Variants in PODXL2 observed in about 807,000 individuals in gnomAD.
PODXL2 encodes the protein podocalyxin like 2, also known as podocalyxin-like protein 2.
A neutral mutation model predicts 53.4 loss-of-function variants in PODXL2; 17 were observed. The observed-to-expected ratio is 0.32, with a 90% CI of 0.22 to 0.48. The LOEUF is 0.48. Among genes scored for constraint, PODXL2 ranks in the 20% least tolerant of loss-of-function variants. The probability of loss-of-function intolerance (pLI) is 0.99; values close to 1 mark genes in which losing one functional copy is unlikely to be tolerated. For missense variants in PODXL2, 673 were observed against 760.0 expected (o/e 0.89, Z 1.35); for synonymous variants, 311 against 306.7 (o/e 1.01, Z -0.15).
chr3:127,672,275 G>C lies in PODXL2; in HGVS notation c.1613G>C (p.Gly538Ala), dbSNP rs2074852943. 6.5e-7 allele frequency: 1 copy of C among 1,544,112 alleles called. No homozygotes were observed. Residue 538 changes from glycine (G) to alanine (A), a missense_variant, in exon 8 of 8, where the codon GGC becomes GCC. By Grantham distance (60) the Gly-to-Ala change is moderately conservative. Transcript: ENST00000342480. ...RLPKLKHVSH[G>A]EELRFVENGC... ...CTCCCCACCCCGCCTCAGTCGCACG[G>C]CGAGGAGCTGCGCTTCGTGGAGAAC... is the stretch of plus-strand genomic sequence containing the variant.
chr3:127,635,537 A>G (rs189049256), intron 1 of PODXL2, among the ~76,000 whole-genome samples: 1 of 152,336 alleles, frequency 6.6e-6, no homozygotes, highest in East Asian at 1.9e-4. Context: ...ATTTGTCTTA[A>G]TGTATCATTT....
chr3:127,669,054 C>T, intron 5 of PODXL2, 87 bp from the exon 6 acceptor site: 1 of 808,852 alleles, frequency 1.2e-6, no homozygotes, highest in Non-Finnish European at 2.0e-6. Context: ...AGGCTCAGGC[C>T]AGCTGTTGGA....
At chr3:127,635,482 A>G (rs896535819) in intron 1 of PODXL2, among the ~76,000 whole-genome samples, 3 of 152,224 alleles carry the variant, frequency 2.0e-5, no homozygotes, top group Non-Finnish European at 4.4e-5. Context: ...ATGGAATTTA[A>G]CCATTCAAAC....
chr3:127,648,622 C>CT lies in PODXL2; in HGVS notation c.349+9113dup, dbSNP rs1273421049. ...ACGTTTTGGACTATCTCTTTCTGGACTTTTTTTTTTTTTTGAGACAGTCTC... is the reference window on the plus strand; with the variant it reads ...ACGTTTTGGACTATCTCTTTCTGGACTTTTTTTTTTTTTTTGAGACAGTCTC... On this transcript the variant is annotated intron_variant, in intron 2 of 7. Coordinates refer to ENST00000342480, the MANE Select transcript of PODXL2 (RefSeq NM_015720.4). Among the ~76,000 whole-genome samples, 698 of 141,768 alleles carry CT rather than the reference C, an allele frequency of 4.9e-3. 2 individuals are homozygous for CT. Among genetic ancestry groups the CT allele is most frequent in the African/African-American group, 0.012 (479 of 38,892 alleles). 93.0% of individuals were successfully genotyped at this position (141,768 alleles called of 152,430 possible). A position where few individuals can be genotyped will look rare whatever the true frequency, so the allele number is the denominator to read the frequency against.
chr3:127,640,701 C>CA (rs60908158), intron 2 of PODXL2, among the ~76,000 whole-genome samples: 101,413 of 149,920 alleles, frequency 0.68, 35,059 homozygotes, highest in Non-Finnish European at 0.76. Flanking sequence ...AACTCTATCT[C>CA]AAAAAAAAAT....
Position 127,661,154 on chromosome 3 carries a change from A to G in PODXL2, c.1126A>G (p.Thr376Ala). The G allele has an allele frequency of 6.2e-7, 1 of 1,613,068 alleles. No homozygotes were observed. Among genetic ancestry groups the G allele is most frequent in the African/African-American group, 1.3e-5 (1 of 75,058 alleles). Residue 376 changes from threonine (T) to alanine (A), a missense_variant, in exon 3 of 8, where the codon ACG (threonine) becomes GCG (alanine). Physicochemically the swap from Thr to Ala is moderately conservative, Grantham distance 58. Transcript: ENST00000342480. The part of the protein sequence containing the change: ...EAQSRIPWDS[T>A]QVICKDWSNL... ...TCAATCCAGGATACCCTGGGATTCT[A>G]CGCAGGTAAAGTGAGGGGCATGCGG...
intron 4 of PODXL2, among the ~76,000 whole-genome samples, chr3:127,665,604 C>G (rs1209414714): frequency 6.6e-6 from 1 of 152,164 alleles, no homozygotes; most frequent in Non-Finnish European, 1.5e-5. Flanking sequence ...TGTAGAGATG[C>G]AAGGATCTGA....
chr3:127,647,662 G>A (rs917518077), intron 2 of PODXL2, among the ~76,000 whole-genome samples: 3 of 152,200 alleles, frequency 2.0e-5, no homozygotes, highest in African/African-American at 4.8e-5. Context: ...AGTCATGCTC[G>A]GCTTTCCCTT....
At chr3:127,636,464 A>G (rs2074579165) in intron 1 of PODXL2, among the ~76,000 whole-genome samples, 1 of 152,252 alleles carries the variant, frequency 6.6e-6, no homozygotes, top group Admixed American at 6.5e-5. Context: ...GGGGAACTTC[A>G]AGGGGAGTGG....
At position 127,629,310 on chromosome 3, in the gene PODXL2, A is replaced by G; in HGVS notation, c.70+21A>G. On this transcript the variant is annotated intron_variant, in intron 1 of 7. Transcript: ENST00000342480. This position sits in a 1 kb window ranked among gnomAD's most constrained non-coding sequence, Gnocchi z 6.4. ...TGGGGGTGAGTGCGCTCCGGGCCCG[A>G]GCGCGGGAGGGCGGGCGGCGGCGTG... The G allele has an allele frequency of 9.9e-7, 1 of 1,010,562 alleles. No homozygotes were observed. The highest frequency in any genetic ancestry group is 1.2e-6 in the Non-Finnish European group (1 of 847,816). 62.6% of individuals were successfully genotyped at this position (1,010,562 alleles called of 1,614,324 possible). A position where few individuals can be genotyped will look rare whatever the true frequency, so the allele number is the denominator to read the frequency against.
intron 4 of PODXL2, among the ~76,000 whole-genome samples, chr3:127,663,201 G>A (rs1276316292): frequency 2.6e-5 from 4 of 152,202 alleles, no homozygotes; most frequent in Non-Finnish European, 4.4e-5. Flanking sequence ...CTTTCGACCA[G>A]CTCATATTTT....
chr3:127,672,474 C>A lies in PODXL2; in HGVS notation c.1812C>A (p.His604Gln), dbSNP rs1244577147. 6.6e-7 allele frequency: 1 copy of A among 1,503,894 alleles called. No individual in the cohort carries two copies. Among genetic ancestry groups the A allele is most frequent in the Non-Finnish European group, 8.9e-7 (1 of 1,127,580 alleles). 93.2% of individuals were successfully genotyped at this position (1,503,894 alleles called of 1,614,324 possible). Residue 604 changes from histidine to glutamine, a missense_variant, in exon 8 of 8, where the codon CAC (histidine) becomes CAA (glutamine). This residue lies in a region of PODXL2 where 79 missense variants were observed against 70.5 expected (regional missense o/e 1.12). Coordinates refer to ENST00000342480, the MANE Select transcript of PODXL2 (RefSeq NM_015720.4). Reference sequence around the variant, plus strand: ...CGGACGTGTTCGAGGAGGACACGCACCTGTGAGCGCAGCCGAGGCGCAGGC... The same window carrying A: ...CGGACGTGTTCGAGGAGGACACGCAACTGTGAGCGCAGCCGAGGCGCAGGC... ...EDSDVFEEDT[H>Q]L
chr3:127,635,199 A>G lies in PODXL2; in HGVS notation c.71-4046A>G, dbSNP rs895806443. Among the ~76,000 whole-genome samples, 4 of 152,216 alleles carry G rather than the reference A, an allele frequency of 2.6e-5. No individual in the cohort carries two copies. The East Asian group carries it at 5.8e-4, about 22-fold the overall frequency. On this transcript the variant is annotated intron_variant, in intron 1 of 7. Transcript: ENST00000342480. ...ACAGTGTACTGAGCACAGTTAGTACAGTGCCATGAGCAGTTCTGTTAGTAG... is the reference window on the plus strand; with the variant it reads ...ACAGTGTACTGAGCACAGTTAGTACGGTGCCATGAGCAGTTCTGTTAGTAG...
At chr3:127,634,127 A>G (rs114895876) in intron 1 of PODXL2, among the ~76,000 whole-genome samples, 1,935 of 152,064 alleles carry the variant, frequency 0.013, 25 homozygotes, top group Non-Finnish European at 0.016. Context: ...CCAGATTTGC[A>G]TTTTAAAAAG....
At position 127,672,793 on chromosome 3, in the gene PODXL2, G is replaced by A. The variant is rs1273210296; in HGVS notation, c.*313G>A. On this transcript the variant is annotated 3_prime_UTR_variant, in exon 8 of 8. Coordinates refer to ENST00000342480, the MANE Select transcript of PODXL2 (RefSeq NM_015720.4). ...ATTAAACCCGCCCGGAGACCACGCC[G>A]GGCCCAGCGCGTCTGCCTTCTTGAC... 2.9e-6 allele frequency: 1 copy of A among 339,394 alleles called. No individual in the cohort carries two copies. Among genetic ancestry groups the A allele is most frequent in the Non-Finnish European group, 5.1e-6 (1 of 195,668 alleles). The allele number at this position is 339,394 out of a possible 1,614,324, so 21.0% of individuals were successfully genotyped here.
In PODXL2 at chr3:127,661,039, C is replaced by G. The variant is rs775078401; in HGVS notation, c.1011C>G (p.Ala337=). The G allele has an allele frequency of 9.3e-6, 15 of 1,614,102 alleles. No homozygotes were observed. In the Admixed American group the frequency reaches 2.3e-4, roughly 25 times the overall value. ...GAACCTCAGCCTCTTCCCCACTGGCCCCTGGAGACATGGAACTGACACCTT... is the reference window on the plus strand; with the variant it reads ...GAACCTCAGCCTCTTCCCCACTGGCGCCTGGAGACATGGAACTGACACCTT... ...GSRTSASSPL[A]PGDMELTPSS... is the part of the protein sequence containing the mutation. The change falls in exon 3 of 8, where the codon GCC becomes GCG. Residue 337 remains alanine, a synonymous_variant. Transcript: ENST00000342480.
At chr3:127,634,401 G>A (rs1292778912) in intron 1 of PODXL2, among the ~76,000 whole-genome samples, 3 of 151,206 alleles carry the variant, frequency 2.0e-5, no homozygotes, top group Non-Finnish European at 4.4e-5. Flanking sequence ...CTCCAGCCTG[G>A]GCAACAAGAG....
chr3:127,667,064 C>T (rs1354362181), intron 4 of PODXL2, among the ~76,000 whole-genome samples: 1 of 152,250 alleles, frequency 6.6e-6, no homozygotes, highest in African/African-American at 2.4e-5. Context: ...AGAACCATCA[C>T]AGAACTAGGG....
rs1332359289 is a variant in PODXL2, at chr3:127,660,910, T to G, written c.882T>G (p.Ala294=). ...GCGAGGAAGCCACTGCAGGAGCAGCTGGTTTGTCTGGCCAGCACGAGGAGG... is the reference window on the plus strand; with the variant it reads ...GCGAGGAAGCCACTGCAGGAGCAGCGGGTTTGTCTGGCCAGCACGAGGAGG... ...EASEEATAGA[A]GLSGQHEEVP... The change falls in exon 3 of 8, where the codon GCT becomes GCG. Residue 294 remains alanine (A), a synonymous_variant. Coordinates refer to ENST00000342480, the MANE Select transcript of PODXL2 (RefSeq NM_015720.4). 15 of 1,614,130 alleles carry G rather than the reference T, an allele frequency of 9.3e-6. No homozygotes were observed. The highest frequency in any genetic ancestry group is 1.3e-5 in the Non-Finnish European group (15 of 1,180,054).
Sources: gnomAD v4.1 joint callset for allele counts (sites outside exome capture counted in the v4.1 genomes callset) on GRCh38, gnomAD v4.1.1 for gene constraint, gnomAD v4.1.1 regional missense constraint, Gnocchi (gnomAD v3.1) non-coding constraint, MANE v1.5 for transcripts, NCBI Gene and HGNC (gene_info 2026-07-23, HGNC 2026-07-21) for gene names.